Variants in PHF20 observed in about 807,000 individuals in gnomAD.
The protein encoded by PHF20 is glioma-expressed antigen 2.
PHF20 carries 23 observed loss-of-function variants against 113.5 expected under a neutral mutation model. The ratio of observed to expected loss-of-function variants is 0.20; its 90% CI spans 0.15 to 0.29. The LOEUF (loss-of-function observed/expected upper bound fraction) is 0.29. PHF20 is among the 10% of genes least tolerant of loss of function. The probability of loss-of-function intolerance (pLI) is 1.00; values close to 1 mark genes in which losing one functional copy is unlikely to be tolerated. For missense variants in PHF20, 943 were observed against 1,219.6 expected, an observed-to-expected ratio of 0.77 and a Z score of 3.38; for synonymous variants, 434 against 457.3, an observed-to-expected ratio of 0.95 and a Z score of 0.65.
chr20:35,816,702 T>A (rs1394818633), intron 2 of PHF20, among the ~76,000 whole-genome samples: 1 of 152,100 alleles, frequency 6.6e-6, no homozygotes, highest in Non-Finnish European at 1.5e-5. Flanking sequence ...TTCGCCCGCC[T>A]CAGCCTCCGA....
intron 2 of PHF20, chr20:35,801,828 T>A: frequency 2.9e-6 from 1 of 346,728 alleles, no homozygotes; most frequent in Non-Finnish European, 5.3e-6. Context: ...TGCCTGTTCA[T>A]CTGAAAGAGT....
At chr20:35,877,634 G>A (rs2054556066) in intron 9 of PHF20, among the ~76,000 whole-genome samples, 1 of 150,582 alleles carries the variant, frequency 6.6e-6, no homozygotes, top group Admixed American at 6.6e-5. Flanking sequence ...CTGTAGTACA[G>A]TGGTATGATC....
intron 9 of PHF20, among the ~76,000 whole-genome samples, chr20:35,874,741 A>T (rs1219286616): frequency 6.6e-6 from 1 of 152,180 alleles, no homozygotes; most frequent in East Asian, 1.9e-4. Flanking sequence ...GATAACTTAA[A>T]AAATTTTTTT....
At chr20:35,852,682 TC>T (rs2042755824) in intron 4 of PHF20, among the ~76,000 whole-genome samples, 1 of 150,422 alleles carries the variant, frequency 6.6e-6, no homozygotes, top group Non-Finnish European at 1.5e-5. Context: ...CACTGCAACC[TC>T]CGCCTCCTGG....
At chr20:35,906,830 C>T (rs2055209227) in intron 10 of PHF20, among the ~76,000 whole-genome samples, 1 of 152,062 alleles carries the variant, frequency 6.6e-6, no homozygotes, top group Non-Finnish European at 1.5e-5. Flanking sequence ...GGCACTGCAG[C>T]CTTTACCACA....
intron 9 of PHF20, among the ~76,000 whole-genome samples, chr20:35,882,452 G>A (rs890917678): frequency 2.6e-5 from 4 of 152,210 alleles, no homozygotes; most frequent in Non-Finnish European, 5.9e-5. Context: ...TGTTTGAGAA[G>A]GGTTTTGCTC....
chr20:35,886,668 C>G (rs534450613), intron 9 of PHF20, among the ~76,000 whole-genome samples: 19 of 152,178 alleles, frequency 1.2e-4, no homozygotes, highest in African/African-American at 4.6e-4. Flanking sequence ...ATAACAGGAT[C>G]CAGGAGCAGA....
Position 35,948,608 on chromosome 20 carries a change from C to CT in PHF20, c.*984dup. ...TTTTCAGAATTGTTTTGTTACTATA[C>CT]TTTAACATTTTACATTTCCTGTTTG... On this transcript the variant is annotated 3_prime_UTR_variant, in exon 18 of 18. Coordinates refer to ENST00000374012, the MANE Select transcript of PHF20 (RefSeq NM_016436.5). The CT allele has an allele frequency of 6.5e-6, 1 of 152,750 alleles. No homozygotes were observed. The highest frequency in any genetic ancestry group is 2.1e-4 in the South Asian group (1 of 4,828). The allele number at this position is 152,750 out of a possible 1,614,324, so 9.5% of individuals were successfully genotyped here. A position where few individuals can be genotyped will look rare whatever the true frequency, so the allele number is the denominator to read the frequency against.
intron 2 of PHF20, among the ~76,000 whole-genome samples, chr20:35,830,990 C>T (rs539396955): frequency 2.0e-5 from 3 of 152,056 alleles, no homozygotes; most frequent in East Asian, 1.9e-4. Context: ...AAGGATAAAA[C>T]GATTAAAATC....
At chr20:35,899,794 C>A in intron 10 of PHF20, 146 bp downstream of exon 10, 1 of 853,602 alleles carries the variant, frequency 1.2e-6, no homozygotes, top group Non-Finnish European at 1.8e-6. Context: ...ATCCTCTGGG[C>A]TGTGCCACGG....
intron 17 of PHF20, among the ~76,000 whole-genome samples, chr20:35,941,331 A>G (rs764483483): frequency 2.6e-5 from 4 of 152,234 alleles, no homozygotes; most frequent in Non-Finnish European, 5.9e-5. Context: ...TCCTGCTTGC[A>G]GGAAATATGT....
At chr20:35,882,212 AC>A (rs1470806517) in intron 9 of PHF20, among the ~76,000 whole-genome samples, 6 of 152,086 alleles carry the variant, frequency 3.9e-5, no homozygotes, top group Non-Finnish European at 7.4e-5. Flanking sequence ...GTGTACCCAA[AC>A]TTTTATATAC....
intron 9 of PHF20, among the ~76,000 whole-genome samples, chr20:35,887,995 T>C (rs892449810): frequency 3.3e-5 from 5 of 150,658 alleles, no homozygotes; most frequent in South Asian, 2.1e-4. Context: ...TTTTTTTTTT[T>C]CTGAGACAGA....
intron 2 of PHF20, chr20:35,838,429 G>A (rs753436537): frequency 4.6e-5 from 7 of 152,116 alleles, no homozygotes; most frequent in Middle Eastern, 6.8e-3. Context: ...GGTAGCCCAC[G>A]CATTTAAAAA....
chr20:35,801,187 A>G (rs2041774031), intron 1 of PHF20, among the ~76,000 whole-genome samples: 1 of 152,220 alleles, frequency 6.6e-6, no homozygotes, highest in Admixed American at 6.5e-5. Flanking sequence ...GCATCAGCAG[A>G]TGACTGAATT....
chr20:35,788,080 A>T (rs1366224160), intron 1 of PHF20, among the ~76,000 whole-genome samples: 1 of 143,928 alleles, frequency 6.9e-6, no homozygotes, highest in Non-Finnish European at 1.5e-5. Context: ...GCGCAGCTCT[A>T]TATTTTTATT....
At chr20:35,889,232 T>A (rs1336523729) in intron 9 of PHF20, among the ~76,000 whole-genome samples, 1 of 152,016 alleles carries the variant, frequency 6.6e-6, no homozygotes, top group African/African-American at 2.4e-5. Context: ...GCCAGGCTAG[T>A]CTCGAACTCC....
rs2056128215 is a variant in PHF20, at chr20:35,948,721, T to G, written c.*1094T>G. The G allele has an allele frequency of 6.5e-6, 1 of 152,686 alleles. No individual in the cohort carries two copies. The highest frequency in any genetic ancestry group is 1.5e-5 in the Non-Finnish European group (1 of 68,052). The allele number at this position is 152,686 out of a possible 1,614,324, so 9.5% of individuals were successfully genotyped here. ...TTTTGAGACAATATTTGTGTTACTT[T>G]TGCAGGTTACGGTTCCACATGTAAT... On this transcript the variant is annotated 3_prime_UTR_variant, in exon 18 of 18. Transcript: ENST00000374012.
rs560448339 is a variant in PHF20, at chr20:35,914,530, G to A, written c.1825+333G>A. Among the ~76,000 whole-genome samples the A allele has an allele frequency of 2.0e-5, 3 of 152,262 alleles. No homozygotes were observed. The East Asian group carries it at 5.8e-4, about 29-fold the overall frequency. ...AAGTGGGATTGCATCAAGCTGAAAA[G>A]CTTATGCACAGCAAACTAAACGATT... On this transcript the variant is annotated intron_variant, in intron 12 of 17. Coordinates refer to ENST00000374012, the MANE Select transcript of PHF20 (RefSeq NM_016436.5).
Sources: allele counts gnomAD v4.1 joint callset (sites outside exome capture counted in the v4.1 genomes callset), GRCh38; gene constraint gnomAD v4.1.1; transcripts MANE v1.5; gene names NCBI Gene and HGNC (gene_info 2026-07-23, HGNC 2026-07-21).